The following BABAM2 variants were observed in gnomAD, a reference collection of about 807,000 sequenced individuals.
BABAM2 encodes BRISC and BRCA1-A complex member 2.
BABAM2 carries 31 observed loss-of-function variants against 54.7 expected under a neutral mutation model. The observed-to-expected ratio is 0.57, with a 90% CI of 0.43 to 0.77. BABAM2 has a LOEUF of 0.77. Among genes scored for constraint, BABAM2 ranks in the 30% least tolerant of loss-of-function variants. BABAM2 has a pLI of 0.00. For synonymous variants in BABAM2, 167 were observed against 162.9 expected (o/e 1.03, Z -0.19); for missense variants, 364 against 455.8 (o/e 0.80, Z 1.83).
intron 7 of BABAM2, among the ~76,000 whole-genome samples, chr2:28,209,530 G>T (rs1348113412): frequency 6.6e-6 from 1 of 152,178 alleles, no homozygotes; most frequent in Non-Finnish European, 1.5e-5. Context: ...TATAAGCATT[G>T]CCAACTGAGA....
At chr2:28,144,614 A>T (rs928390914) in intron 7 of BABAM2, among the ~76,000 whole-genome samples, 15 of 152,176 alleles carry the variant, frequency 9.9e-5, no homozygotes, top group African/African-American at 3.4e-4. Context: ...CTCCTTCTCT[A>T]AAGTTTTTAT....
chr2:28,176,239 T>C (rs1486818011), intron 7 of BABAM2, among the ~76,000 whole-genome samples: 1 of 152,010 alleles, frequency 6.6e-6, no homozygotes, highest in Non-Finnish European at 1.5e-5. Context: ...AAAAGAAATT[T>C]ATGAAATGCC....
intron 7 of BABAM2, among the ~76,000 whole-genome samples, chr2:28,145,941 A>AG (rs1229372180): frequency 6.6e-6 from 1 of 152,210 alleles, no homozygotes; most frequent in African/African-American, 2.4e-5. Flanking sequence ...ATAATACTCC[A>AG]GTATATCAAT....
At chr2:28,174,653 C>G (rs1254015216) in intron 7 of BABAM2, among the ~76,000 whole-genome samples, 2 of 152,206 alleles carry the variant, frequency 1.3e-5, no homozygotes, top group African/African-American at 4.8e-5. Context: ...GGGAGAGCCT[C>G]TTGACCCTCA....
intron 6 of BABAM2, among the ~76,000 whole-genome samples, chr2:28,086,023 G>A (rs1373606980): frequency 2.0e-5 from 3 of 152,060 alleles, no homozygotes; most frequent in African/African-American, 4.8e-5. Flanking sequence ...GCTAAGATTA[G>A]CTTTAGGATG....
At chr2:28,264,819 CAA>C (rs1270563453) in intron 10 of BABAM2, among the ~76,000 whole-genome samples, 2 of 152,186 alleles carry the variant, frequency 1.3e-5, no homozygotes, top group African/African-American at 4.8e-5. Flanking sequence ...TGCTAACGTT[CAA>C]AGACAGTTTA....
intron 3 of BABAM2, among the ~76,000 whole-genome samples, chr2:27,947,707 CTA>C (rs1424152223): frequency 6.6e-6 from 1 of 151,952 alleles, no homozygotes; most frequent in African/African-American, 2.4e-5. Context: ...GATTTTTGTA[CTA>C]TGTTTTCTTT....
intron 2 of BABAM2, among the ~76,000 whole-genome samples, chr2:27,895,295 T>G (rs904195922): frequency 1.3e-5 from 2 of 152,232 alleles, no homozygotes; most frequent in Non-Finnish European, 2.9e-5. Flanking sequence ...GCCTTTTTTG[T>G]TCCAGGATCC....
intron 2 of BABAM2, among the ~76,000 whole-genome samples, chr2:27,902,230 A>C (rs1045689126): frequency 2.0e-5 from 3 of 152,234 alleles, no homozygotes; most frequent in Non-Finnish European, 4.4e-5. Flanking sequence ...TTGTAAAATC[A>C]ATTGAGTGAG....
At chr2:28,099,634 T>C (rs914961175) in intron 6 of BABAM2, among the ~76,000 whole-genome samples, 11 of 152,216 alleles carry the variant, frequency 7.2e-5, no homozygotes, top group African/African-American at 2.4e-4. Flanking sequence ...TAAAAAATCA[T>C]TGTGCATATC....
chr2:28,069,571 A>C (rs543261283), intron 6 of BABAM2, among the ~76,000 whole-genome samples: 1 of 152,164 alleles, frequency 6.6e-6, no homozygotes, highest in African/African-American at 2.4e-5. Flanking sequence ...CCCTGCTACC[A>C]TGAGAATTGT....
chr2:28,067,226 G>A (rs756557801), intron 6 of BABAM2, among the ~76,000 whole-genome samples: 7 of 152,248 alleles, frequency 4.6e-5, no homozygotes, highest in Non-Finnish European at 5.9e-5. Context: ...GCCACTGCGC[G>A]TGGCCCTTGT....
intron 3 of BABAM2, among the ~76,000 whole-genome samples, chr2:27,982,342 A>G (rs887406691): frequency 6.6e-6 from 1 of 152,092 alleles, no homozygotes; most frequent in Non-Finnish European, 1.5e-5. Context: ...AAAATTTTTA[A>G]TTTTGATGAA....
chr2:28,281,450 G>A (rs1412911339), intron 10 of BABAM2, among the ~76,000 whole-genome samples: 1 of 152,126 alleles, frequency 6.6e-6, no homozygotes. Flanking sequence ...GGAAGTAAAT[G>A]TGACCCCCCC....
intron 6 of BABAM2, among the ~76,000 whole-genome samples, chr2:28,104,235 T>C (rs1345603930): frequency 6.6e-6 from 1 of 152,138 alleles, no homozygotes; most frequent in Non-Finnish European, 1.5e-5. Flanking sequence ...CAAAAGAAAC[T>C]ACCATCAGAG....
At chr2:28,051,495 T>G (rs992403967) in intron 6 of BABAM2, among the ~76,000 whole-genome samples, 8 of 152,054 alleles carry the variant, frequency 5.3e-5, no homozygotes. Context: ...AAGGTCAAGG[T>G]GGAAAAGAAG....
chr2:28,302,114 T>C (rs1330665980), intron 11 of BABAM2, among the ~76,000 whole-genome samples: 1 of 152,150 alleles, frequency 6.6e-6, no homozygotes, highest in Non-Finnish European at 1.5e-5. Context: ...AACATAATTG[T>C]TTAAGATTTA....
In BABAM2 at chr2:28,325,762, G is replaced by C. The variant is rs897562980; in HGVS notation, c.1089-12688G>C. 2.0e-5 allele frequency among the ~76,000 whole-genome samples: 3 copies of C among 152,174 alleles called. No homozygotes were observed. Among genetic ancestry groups the C allele is most frequent in the Non-Finnish European group, 2.9e-5 (2 of 68,026 alleles). ...GGGGGGTGAATGTCCCAGAGTGTTG[G>C]GTGACCAAAAGCTGTGTCCAAAAGC... On this transcript the variant is annotated intron_variant, in intron 11 of 11. Coordinates refer to ENST00000379624, the MANE Select transcript of BABAM2 (RefSeq NM_199191.3). The surrounding 1 kb of genome is among the most constrained non-coding windows in gnomAD (Gnocchi z 4.3).
intron 7 of BABAM2, among the ~76,000 whole-genome samples, chr2:28,167,985 C>T (rs1403518556): frequency 6.6e-6 from 1 of 152,130 alleles, no homozygotes; most frequent in African/African-American, 2.4e-5. Context: ...TTTCTCAAGA[C>T]CACACAGCTA....
Sources: gnomAD v4.1 joint callset for allele counts (sites outside exome capture counted in the v4.1 genomes callset) on GRCh38, gnomAD v4.1.1 for gene constraint, Gnocchi (gnomAD v3.1) non-coding constraint, MANE v1.5 for transcripts, NCBI Gene and HGNC (gene_info 2026-07-23, HGNC 2026-07-21) for gene names.